Variants in SPTBN1 observed in about 807,000 individuals in gnomAD.
The protein encoded by SPTBN1 is spectrin beta, non-erythrocytic 1.
In SPTBN1, 32 loss-of-function variants were observed where a neutral mutation model predicts 266.4. That is an observed-to-expected ratio of 0.12 (90% CI 0.09 to 0.16). SPTBN1 has a LOEUF of 0.16. SPTBN1 is among the 10% of genes least tolerant of loss of function. SPTBN1 has a pLI of 1.00. For synonymous variants in SPTBN1, 1,336 were observed against 1,162.2 expected, an observed-to-expected ratio of 1.15 and a Z score of -3.04; for missense variants, 2,296 against 3,067.1, an observed-to-expected ratio of 0.75 and a Z score of 5.94.
chr2:54,520,862 T>G (rs1013737359), intron 1 of SPTBN1, among the ~76,000 whole-genome samples: 2 of 152,128 alleles, frequency 1.3e-5, no homozygotes, highest in Non-Finnish European at 2.9e-5. Flanking sequence ...GCTCTGCTAT[T>G]AGAGGGATGA....
At chr2:54,571,572 CACAT>C (rs79102230) in intron 2 of SPTBN1, among the ~76,000 whole-genome samples, 14,564 of 60,184 alleles carry the variant, frequency 0.24, 730 homozygotes, top group Non-Finnish European at 0.29. Flanking sequence ...CACACACACA[CACAT>C]ACACACACAC....
At chr2:54,576,528 T>A (rs959127092) in intron 2 of SPTBN1, among the ~76,000 whole-genome samples, 1 of 152,148 alleles carries the variant, frequency 6.6e-6, no homozygotes, top group Non-Finnish European at 1.5e-5. Flanking sequence ...AAAACTCAAC[T>A]GACAAATCCT....
chr2:54,657,414 G>A (rs1303868765), intron 29 of SPTBN1, among the ~76,000 whole-genome samples: 1 of 152,202 alleles, frequency 6.6e-6, no homozygotes, highest in Non-Finnish European at 1.5e-5. Flanking sequence ...GTAGACCTGC[G>A]CTGAGCAGTA....
At chr2:54,603,409 T>A (rs1420824692) in intron 3 of SPTBN1, among the ~76,000 whole-genome samples, 1 of 152,188 alleles carries the variant, frequency 6.6e-6, no homozygotes, top group Non-Finnish European at 1.5e-5. Flanking sequence ...TCTCATTCAG[T>A]TCTTACAGTC....
In SPTBN1 at chr2:54,622,390, A is replaced by G; in HGVS notation, c.967A>G (p.Ile323Val). Residue 323 changes from isoleucine (I) to valine (V), a missense_variant, in exon 9 of 36, where the codon ATC becomes GTC. Transcript: ENST00000356805. ...DLLEWIEQTI[I>V]ILNNRKFANS... ...TCTGGAATGGATTGAACAAACCATC[A>G]TCATTCTGAACAATCGCAAATTTGC... The G allele has an allele frequency of 6.2e-7, 1 of 1,614,236 alleles. No homozygotes were observed. The highest frequency in any genetic ancestry group is 1.3e-5 in the African/African-American group (1 of 75,058).
intron 1 of SPTBN1, among the ~76,000 whole-genome samples, chr2:54,511,478 T>G (rs1470669652): frequency 6.6e-6 from 1 of 152,232 alleles, no homozygotes; most frequent in African/African-American, 2.4e-5. Context: ...GAAGACAGTT[T>G]TTCCACTGAC....
chr2:54,662,473 C>A, intron 32 of SPTBN1: 1 of 253,992 alleles, frequency 3.9e-6, no homozygotes, highest in South Asian at 1.5e-4. Context: ...GCAGTCTGAC[C>A]AAGTATGATA....
chr2:54,670,968 T>TA lies in SPTBN1; in HGVS notation c.*2400dup, dbSNP rs1681665131. 2.5e-6 allele frequency: 1 copy of TA among 396,868 alleles called. No individual in the cohort carries two copies. Among genetic ancestry groups the TA allele is most frequent in the Admixed American group, 4.4e-5 (1 of 22,698 alleles). 24.6% of individuals were successfully genotyped at this position (396,868 alleles called of 1,614,324 possible). A position where few individuals can be genotyped will look rare whatever the true frequency, so the allele number is the denominator to read the frequency against. ...GTTTTTGGGTTTTTTGTTTTTTTTTTATTCTTCCACTATCATGTTTTTTGA... is the reference window on the plus strand; with the variant it reads ...GTTTTTGGGTTTTTTGTTTTTTTTTTAATTCTTCCACTATCATGTTTTTTGA... On this transcript the variant is annotated 3_prime_UTR_variant, in exon 36 of 36. Coordinates refer to ENST00000356805, the MANE Select transcript of SPTBN1 (RefSeq NM_003128.3).
At chr2:54,481,286 T>C (rs1208225566) in intron 1 of SPTBN1, among the ~76,000 whole-genome samples, 1 of 152,130 alleles carries the variant, frequency 6.6e-6, no homozygotes, top group Non-Finnish European at 1.5e-5. Flanking sequence ...AAAGTGCTGG[T>C]GAGCTTTTTG....
chr2:54,522,366 C>T (rs1311474539), intron 1 of SPTBN1, among the ~76,000 whole-genome samples: 2 of 152,120 alleles, frequency 1.3e-5, no homozygotes, highest in African/African-American at 2.4e-5. Flanking sequence ...AAGGTAGGCT[C>T]GCACCTGTAA....
intron 34 of SPTBN1, 57 bp from the exon 35 acceptor site, chr2:54,667,547 G>C: frequency 6.5e-7 from 1 of 1,543,086 alleles, no homozygotes; most frequent in Non-Finnish European, 9.0e-7. Flanking sequence ...TGGGAGTTGG[G>C]GGATTTTTAT....
chr2:54,491,013 CT>C (rs1668658406), intron 1 of SPTBN1, among the ~76,000 whole-genome samples: 1 of 152,122 alleles, frequency 6.6e-6, no homozygotes, highest in South Asian at 2.1e-4. Context: ...TTTAGTCAAG[CT>C]TGTGTGTTCT....
chr2:54,463,456 T>C (rs1693470249), intron 1 of SPTBN1, among the ~76,000 whole-genome samples: 1 of 152,152 alleles, frequency 6.6e-6, no homozygotes. Flanking sequence ...ATGGGAGGCT[T>C]TGGATGGAGG....
chr2:54,667,170 C>T (rs1323758252), intron 34 of SPTBN1, among the ~76,000 whole-genome samples: 4 of 152,318 alleles, frequency 2.6e-5, no homozygotes, highest in African/African-American at 9.6e-5. Context: ...AGGACATTTT[C>T]TGTTTGCCTA....
At chr2:54,569,390 T>A (rs940596928) in intron 2 of SPTBN1, among the ~76,000 whole-genome samples, 1 of 152,226 alleles carries the variant, frequency 6.6e-6, no homozygotes, top group East Asian at 1.9e-4. Flanking sequence ...ATTTATTATG[T>A]CACAGCAGTA....
At chr2:54,461,977 T>C (rs1025533912) in intron 1 of SPTBN1, among the ~76,000 whole-genome samples, 2 of 152,252 alleles carry the variant, frequency 1.3e-5, no homozygotes, top group African/African-American at 4.8e-5. Flanking sequence ...AAAGTTTTTC[T>C]TTGTTTGGAA....
intron 35 of SPTBN1, 125 bp from the exon 36 acceptor site, chr2:54,668,226 A>G (rs1280329665): frequency 3.7e-6 from 3 of 814,920 alleles, no homozygotes; most frequent in South Asian, 1.7e-5. Context: ...GCATTTGGGG[A>G]CAGTGCCCAG....
In SPTBN1 at chr2:54,576,111, A is replaced by G. The variant is rs190133782; in HGVS notation, c.149-22981A>G. On this transcript the variant is annotated intron_variant, in intron 2 of 35. Transcript: ENST00000356805. Reference sequence around the variant, plus strand: ...GCTGTGTCTCCCAGGCTGGAGTGCAATGGTGCGATCTCGGCTCACTGCAAC... The same window carrying G: ...GCTGTGTCTCCCAGGCTGGAGTGCAGTGGTGCGATCTCGGCTCACTGCAAC... Among the ~76,000 whole-genome samples, 243 of 125,646 alleles carry G rather than the reference A, an allele frequency of 1.9e-3. 7 individuals are homozygous for G. In the East Asian group the frequency reaches 0.055, roughly 28 times the overall value. The allele number at this position is 125,646 out of a possible 152,430, so 82.4% of individuals were successfully genotyped here.
chr2:54,525,462 G>A (rs1182725583), intron 1 of SPTBN1, among the ~76,000 whole-genome samples: 3 of 152,036 alleles, frequency 2.0e-5, no homozygotes, highest in East Asian at 1.9e-4. Context: ...TGGAACTCCC[G>A]ACCTCAGGTG....
Sources: allele counts gnomAD v4.1 joint callset (sites outside exome capture counted in the v4.1 genomes callset), GRCh38; gene constraint gnomAD v4.1.1; transcripts MANE v1.5; gene names NCBI Gene and HGNC (gene_info 2026-07-23, HGNC 2026-07-21).